GPC1: variants seen among roughly 807,000 people sequenced by gnomAD.
GPC1 encodes the protein glypican 1.
Under a neutral mutation model 51.5 loss-of-function variants are expected in GPC1, and 26 were observed. The ratio of observed to expected loss-of-function variants is 0.50; its 90% CI spans 0.37 to 0.70. The LOEUF is 0.70. GPC1 is among the 30% of genes least tolerant of loss of function. The probability of loss-of-function intolerance (pLI) is 0.00; values close to 1 mark genes in which losing one functional copy is unlikely to be tolerated. For missense variants in GPC1, 775 were observed against 800.5 expected, an observed-to-expected ratio of 0.97 and a Z score of 0.38; for synonymous variants, 380 against 348.3, an observed-to-expected ratio of 1.09 and a Z score of -1.01.
At chr2:240,465,300 G>T in intron 7 of GPC1, 90 bp downstream of exon 7, 1 of 1,436,550 alleles carries the variant, frequency 7.0e-7, no homozygotes. Context: ...ACGGGGCCAC[G>T]TCCCTTGCTG....
rs758331719 is a variant in GPC1, at chr2:240,464,974, T to A, written c.1133T>A (p.Leu378Gln). 1 of 1,555,836 alleles carries A rather than the reference T, an allele frequency of 6.4e-7. No homozygotes were observed. Among genetic ancestry groups the A allele is most frequent in the Admixed American group, 1.9e-5 (1 of 51,544 alleles). The part of the protein sequence containing the change: ...ERPPSGTLEK[L>Q]VSEAKAQLRD... ...CCACCTTCAGGCACGCTGGAGAAGC[T>A]GGTGAGTGGCCCCTGCGTGTCCACT... Residue 378 changes from leucine (L) to glutamine (Q), a missense_variant and splice_region_variant, in exon 6 of 9, where the codon CTG becomes CAG. Physicochemically the swap from Leu to Gln is moderately radical, Grantham distance 113. Transcript: ENST00000264039.
chr2:240,437,658 A>T (rs964860279), intron 1 of GPC1, among the ~76,000 whole-genome samples: 25 of 152,054 alleles, frequency 1.6e-4, no homozygotes, highest in Non-Finnish European at 2.5e-4. Flanking sequence ...CTCTACTCAC[A>T]CATAAAGAGG....
intron 1 of GPC1, among the ~76,000 whole-genome samples, chr2:240,441,593 G>A (rs548714927): frequency 6.6e-6 from 1 of 152,362 alleles, no homozygotes; most frequent in Admixed American, 6.5e-5. Flanking sequence ...CGCCAGCACA[G>A]CCCTGTGGGG....
intron 1 of GPC1, among the ~76,000 whole-genome samples, chr2:240,446,442 G>T (rs2074051289): frequency 6.6e-6 from 1 of 152,262 alleles, no homozygotes; most frequent in South Asian, 2.1e-4. Flanking sequence ...GCCACCATGA[G>T]TGTGTAGCTT....
chr2:240,438,451 C>G (rs556814892), intron 1 of GPC1, among the ~76,000 whole-genome samples: 1 of 152,168 alleles, frequency 6.6e-6, no homozygotes, highest in South Asian at 2.1e-4. Flanking sequence ...TCTGGTGGCC[C>G]CTGGGCGGCA....
rs200794161 is a variant in GPC1 at position 240,462,493 on chromosome 2, C to T, written c.628C>T (p.Arg210Cys). Residue 210 changes from arginine to cysteine, a missense_variant, in exon 3 of 9, where the codon CGC (arginine) becomes TGC (cysteine). Coordinates refer to ENST00000264039, the MANE Select transcript of GPC1 (RefSeq NM_002081.3). ...RPFGEAPRELRLRATRAFVAA... is the reference protein window; with the variant it reads ...RPFGEAPRELCLRATRAFVAA... ...CTTCGGGGAGGCCCCGAGAGAGCTG[C>T]GCCTGCGGGCCACCCGTGCCTTCGT... The T allele has an allele frequency of 1.7e-4, 270 of 1,596,244 alleles. 1 individual carries two copies. The highest frequency in any genetic ancestry group is 5.6e-5 in the Non-Finnish European group (66 of 1,172,740).
intron 4 of GPC1, 136 bp from the exon 5 acceptor site, chr2:240,464,480 C>T: frequency 8.4e-7 from 1 of 1,191,202 alleles, no homozygotes; most frequent in Non-Finnish European, 1.2e-6. Context: ...CCTGAGTGCA[C>T]ACGTGGGATC....
intron 2 of GPC1, among the ~76,000 whole-genome samples, chr2:240,460,359 T>G (rs564857671): frequency 2.2e-4 from 34 of 152,266 alleles, no homozygotes; most frequent in African/African-American, 8.2e-4. Flanking sequence ...GTCAGGAGCC[T>G]TCCTGAGCCA....
At chr2:240,443,073 G>A (rs983887205) in intron 1 of GPC1, among the ~76,000 whole-genome samples, 5 of 152,274 alleles carry the variant, frequency 3.3e-5, no homozygotes, top group Admixed American at 2.0e-4. Context: ...TGGCAGGGCC[G>A]GGCCACTCAG....
At chr2:240,451,608 G>C (rs1320130) in intron 1 of GPC1, 166,128 of 236,954 alleles carry the variant, frequency 0.7, 60,218 homozygotes, top group African/African-American at 0.89. Flanking sequence ...TCCTGGGTTC[G>C]AAGAGTGGGC....
intron 1 of GPC1, among the ~76,000 whole-genome samples, chr2:240,456,299 G>T (rs879545105): frequency 1.3e-5 from 2 of 152,088 alleles, no homozygotes; most frequent in African/African-American, 2.4e-5. Context: ...CCTCTCGTCA[G>T]CCTCTCCCGT....
intron 1 of GPC1, chr2:240,453,074 A>G (rs4268920): frequency 0.52 from 158,572 of 306,222 alleles, 43,309 homozygotes; most frequent in African/African-American, 0.69. Context: ...CCTCTCCCGC[A>G]GCGCCACCGT....
chr2:240,466,322 G>A lies in GPC1; in HGVS notation c.*32G>A. The A allele has an allele frequency of 8.1e-7, 1 of 1,230,590 alleles. No individual in the cohort carries two copies. Among genetic ancestry groups the A allele is most frequent in the Non-Finnish European group, 1.2e-6 (1 of 836,272 alleles). 76.2% of individuals were successfully genotyped at this position (1,230,590 alleles called of 1,614,324 possible). A position where few individuals can be genotyped will look rare whatever the true frequency, so the allele number is the denominator to read the frequency against. On this transcript the variant is annotated 3_prime_UTR_variant, in exon 9 of 9. Transcript: ENST00000264039. ...CAAGGCCCCAGGGACAGAGGCCAAG[G>A]ACTGACTTTGCCAAAAATACAACAC...
At position 240,464,950 on chromosome 2, in the gene GPC1, C is replaced by G; in HGVS notation, c.1109C>G (p.Pro370Arg). Reference sequence around the variant, plus strand: ...GGCAAGCTGGCCCCGCGGGAGAGGCCACCTTCAGGCACGCTGGAGAAGCTG... The same window carrying G: ...GGCAAGCTGGCCCCGCGGGAGAGGCGACCTTCAGGCACGCTGGAGAAGCTG... ...RRGKLAPRERPPSGTLEKLVS... is the reference protein window; with the variant it reads ...RRGKLAPRERRPSGTLEKLVS... The change falls in exon 6 of 9, where the codon CCA (proline) becomes CGA (arginine). Residue 370 changes from proline (P) to arginine (R), a missense_variant. Transcript: ENST00000264039. 1 of 1,552,510 alleles carries G rather than the reference C, an allele frequency of 6.4e-7. No homozygotes were observed. The highest frequency in any genetic ancestry group is 8.7e-7 in the Non-Finnish European group (1 of 1,148,240).
chr2:240,455,886 CT>C, intron 1 of GPC1: 1 of 300,144 alleles, frequency 3.3e-6, no homozygotes, highest in Non-Finnish European at 6.5e-6. Flanking sequence ...GGCCTCCTGC[CT>C]TTGACTGCCG....
At chr2:240,463,277 C>T (rs928201695) in intron 3 of GPC1, 70 bp from the exon 4 acceptor site, 34 of 1,405,486 alleles carry the variant, frequency 2.4e-5, no homozygotes, top group Non-Finnish European at 2.1e-5. Context: ...CCTGGGGCTT[C>T]GTTAGGGGCT....
At chr2:240,463,635 A>T in intron 4 of GPC1, 123 bp downstream of exon 4, 1 of 793,036 alleles carries the variant, frequency 1.3e-6, no homozygotes, top group Admixed American at 2.4e-5. Flanking sequence ...GGATGCCCTG[A>T]CCCGGGCCAG....
At chr2:240,464,526 C>T in intron 4 of GPC1, 90 bp from the exon 5 acceptor site, 5 of 1,390,600 alleles carry the variant, frequency 3.6e-6, no homozygotes, top group South Asian at 1.2e-5. Flanking sequence ...ACTGCATTAA[C>T]ATGCACACGT....
chr2:240,439,925 G>T (rs1304026145), intron 1 of GPC1, among the ~76,000 whole-genome samples: 1 of 152,244 alleles, frequency 6.6e-6, no homozygotes, highest in African/African-American at 2.4e-5. Flanking sequence ...AGGGCCACCT[G>T]CGTGATGCAA....
Sources: gnomAD v4.1 joint callset for allele counts (sites outside exome capture counted in the v4.1 genomes callset) on GRCh38, gnomAD v4.1.1 for gene constraint, MANE v1.5 for transcripts, NCBI Gene and HGNC (gene_info 2026-07-23, HGNC 2026-07-21) for gene names.